TRAPPC9: variants seen among roughly 807,000 people sequenced by gnomAD.
TRAPPC9 encodes IKK2 binding protein.
TRAPPC9 carries 83 observed loss-of-function variants against 124.0 expected under a neutral mutation model. The observed-to-expected ratio is 0.67, with a 90% CI of 0.56 to 0.80. The LOEUF is 0.80. TRAPPC9 is among the 30% of genes least tolerant of loss of function. The pLI, the probability that TRAPPC9 is intolerant of heterozygous loss-of-function variation, is 0.00. For synonymous variants in TRAPPC9, 638 were observed against 617.5 expected, an observed-to-expected ratio of 1.03 and a Z score of -0.49; for missense variants, 1,302 against 1,508.3, an observed-to-expected ratio of 0.86 and a Z score of 2.27.
chr8:140,141,793 A>T (rs1171261176), intron 17 of TRAPPC9, among the ~76,000 whole-genome samples: 1 of 152,246 alleles, frequency 6.6e-6, no homozygotes, highest in Non-Finnish European at 1.5e-5. Flanking sequence ...GGCGGGCGGC[A>T]GTGGCTACCT....
At chr8:139,969,054 CCA>C (rs1438985157) in intron 19 of TRAPPC9, among the ~76,000 whole-genome samples, 2 of 152,232 alleles carry the variant, frequency 1.3e-5, no homozygotes, top group African/African-American at 4.8e-5. Flanking sequence ...GTGAACACAG[CCA>C]CATTCTCTGA....
chr8:140,097,147 G>T lies in TRAPPC9; in HGVS notation c.2557-73068C>A, dbSNP rs1331720291. ...ACCCGGCTCCAGGTCTGGTTCTCGT[G>T]CACTGCTGCAGCAGTGCTGTCGTTG... On this transcript the variant is annotated intron_variant, in intron 17 of 22. Transcript: ENST00000438773. The surrounding 1 kb of genome is among the most constrained non-coding windows in gnomAD (Gnocchi z 4.2). The T allele has an allele frequency of 6.6e-6, 1 of 152,262 alleles. No individual in the cohort carries two copies. Among genetic ancestry groups the T allele is most frequent in the Non-Finnish European group, 1.5e-5 (1 of 68,066 alleles). 9.4% of individuals were successfully genotyped at this position (152,262 alleles called of 1,614,324 possible).
chr8:139,812,831 T>A (rs1824536463), intron 21 of TRAPPC9, among the ~76,000 whole-genome samples: 2 of 152,182 alleles, frequency 1.3e-5, no homozygotes, highest in Admixed American at 6.5e-5. Flanking sequence ...AAGGTGAACC[T>A]CAGTTTCCTC....
At chr8:139,770,901 G>A (rs114222985) in intron 21 of TRAPPC9, among the ~76,000 whole-genome samples, 1,697 of 152,230 alleles carry the variant, frequency 0.011, 33 homozygotes, top group African/African-American at 0.039. Context: ...CGGGCCTGGC[G>A]GGCGTAGGGA....
chr8:139,782,980 A>C (rs994217868), intron 21 of TRAPPC9, among the ~76,000 whole-genome samples: 27 of 152,340 alleles, frequency 1.8e-4, no homozygotes, highest in African/African-American at 6.5e-4. Flanking sequence ...TGAGAAATTA[A>C]GAATTATTTC....
chr8:140,435,027 C>G, intron 4 of TRAPPC9, 85 bp downstream of exon 4: 2 of 1,597,458 alleles, frequency 1.3e-6, no homozygotes, highest in Non-Finnish European at 1.7e-6. Context: ...AATATTAGTC[C>G]TAACTCAAAG....
At chr8:140,310,737 A>T (rs2066274865) in intron 10 of TRAPPC9, among the ~76,000 whole-genome samples, 1 of 152,052 alleles carries the variant, frequency 6.6e-6, no homozygotes, top group African/African-American at 2.4e-5. Flanking sequence ...GCTGAGGATG[A>T]GCATGAAGGA....
intron 17 of TRAPPC9, among the ~76,000 whole-genome samples, chr8:140,085,172 G>T (rs1031536560): frequency 8.6e-5 from 13 of 152,046 alleles, no homozygotes; most frequent in Admixed American, 2.0e-4. Flanking sequence ...AGAGTTCCCC[G>T]ACGCTCCACA....
intron 17 of TRAPPC9, among the ~76,000 whole-genome samples, chr8:140,083,387 A>G (rs1411281692): frequency 1.3e-5 from 2 of 152,190 alleles, no homozygotes; most frequent in Non-Finnish European, 2.9e-5. Flanking sequence ...GACAGTCTTT[A>G]CAATTACACT....
chr8:140,098,588 C>A (rs926249813), intron 17 of TRAPPC9: 3 of 152,502 alleles, frequency 2.0e-5, no homozygotes, highest in African/African-American at 7.2e-5. Flanking sequence ...ATGACGCCCG[C>A]CCGGGTTCTC....
At chr8:140,458,419 C>A, upstream of TRAPPC9, 2 of 1,591,780 alleles carry the variant, frequency 1.3e-6, no homozygotes, top group East Asian at 2.3e-5. Flanking sequence ...ACGGTCGTGC[C>A]CCCCACGTGG....
At chr8:140,134,419 C>A (rs1344860180) in intron 17 of TRAPPC9, among the ~76,000 whole-genome samples, 1 of 152,146 alleles carries the variant, frequency 6.6e-6, no homozygotes, top group Non-Finnish European at 1.5e-5. Context: ...GTGCTTGTCA[C>A]CGTGCCCAGC....
intron 9 of TRAPPC9, among the ~76,000 whole-genome samples, chr8:140,342,161 G>A (rs1053674005): frequency 6.6e-6 from 1 of 152,164 alleles, no homozygotes; most frequent in African/African-American, 2.4e-5. Context: ...ACGGAAAGCA[G>A]GACTGCACTG....
intron 21 of TRAPPC9, among the ~76,000 whole-genome samples, chr8:139,792,912 C>T (rs996746986): frequency 6.6e-6 from 1 of 152,256 alleles, no homozygotes; most frequent in African/African-American, 2.4e-5. Flanking sequence ...CACGGGCCAT[C>T]TTCTGTCAAG....
chr8:139,891,528 G>C (rs1830342187), intron 20 of TRAPPC9, among the ~76,000 whole-genome samples: 1 of 152,252 alleles, frequency 6.6e-6, no homozygotes, highest in Non-Finnish European at 1.5e-5. Context: ...TGGGCCCTGG[G>C]CTGGATGCAG....
intron 21 of TRAPPC9, among the ~76,000 whole-genome samples, chr8:139,852,412 G>A (rs146748430): frequency 1.6e-4 from 25 of 152,240 alleles, no homozygotes; most frequent in East Asian, 9.6e-4. Context: ...GTTGATGCCC[G>A]CCTTCCCCAC....
At chr8:140,209,608 A>G (rs1286515910) in intron 17 of TRAPPC9, among the ~76,000 whole-genome samples, 2 of 152,254 alleles carry the variant, frequency 1.3e-5, no homozygotes, top group African/African-American at 2.4e-5. Flanking sequence ...CTCTGTAACT[A>G]TTACTGGGAC....
In TRAPPC9 at chr8:140,283,901, G is replaced by C. The variant is rs1249348549; in HGVS notation, c.2102C>G (p.Thr701Ser). The change falls in exon 14 of 23, where the codon ACC becomes AGC. Residue 701 changes from threonine (T) to serine (S), a missense_variant. By Grantham distance (58) the Thr-to-Ser change is moderately conservative. Transcript: ENST00000438773. ...TCGTGCACACTACCTGGGCAGAGAG[G>C]TGCTGATCTGCAGTCTTGGCAACGC... ...IPALPRLQIS[T>S]SLPRSAHSLQ... The C allele has an allele frequency of 6.2e-7, 1 of 1,614,096 alleles. No homozygotes were observed. Among genetic ancestry groups the C allele is most frequent in the East Asian group, 2.2e-5 (1 of 44,892 alleles).
At chr8:140,155,188 A>C (rs2061607775) in intron 17 of TRAPPC9, among the ~76,000 whole-genome samples, 1 of 152,252 alleles carries the variant, frequency 6.6e-6, no homozygotes, top group Non-Finnish European at 1.5e-5. Context: ...TGAGGAGATC[A>C]CAATGGGTTT....
Sources: gnomAD v4.1 joint callset for allele counts (sites outside exome capture counted in the v4.1 genomes callset) on GRCh38, gnomAD v4.1.1 for gene constraint, Gnocchi (gnomAD v3.1) non-coding constraint, MANE v1.5 for transcripts, NCBI Gene and HGNC (gene_info 2026-07-23, HGNC 2026-07-21) for gene names.